EHMT1: variants seen among roughly 807,000 people sequenced by gnomAD.
The protein encoded by EHMT1 is euchromatic histone lysine methyltransferase 1.
Under a neutral mutation model 147.2 loss-of-function variants are expected in EHMT1, and 15 were observed. That is an observed-to-expected ratio of 0.10 (90% CI 0.07 to 0.16). The LOEUF (loss-of-function observed/expected upper bound fraction) is 0.16. EHMT1 is among the 10% of genes least tolerant of loss of function. The pLI is 1.00. For missense variants in EHMT1, 1,587 were observed against 1,772.4 expected (o/e 0.90, Z 1.88); for synonymous variants, 795 against 709.6 (o/e 1.12, Z -1.91).
chr9:137,698,272 A>G (rs1943563473), intron 1 of EHMT1, among the ~76,000 whole-genome samples: 1 of 152,240 alleles, frequency 6.6e-6, no homozygotes, highest in Admixed American at 6.5e-5. Flanking sequence ...TGACTAGGAA[A>G]AGAAATGATC....
At chr9:137,717,409 C>G in intron 3 of EHMT1, 1 of 642,410 alleles carries the variant, frequency 1.6e-6, no homozygotes, top group East Asian at 2.8e-5. Context: ...TTGAGACCAG[C>G]CTGGGCAGCG....
chr9:137,761,668 A>T lies in EHMT1; in HGVS notation c.1502-1007A>T, dbSNP rs982885772. ...GAGACGGGGTTTCACCATGTTGTCCAGGAGGGTCTCGATCTCCTGACCTCG... is the reference window on the plus strand; with the variant it reads ...GAGACGGGGTTTCACCATGTTGTCCTGGAGGGTCTCGATCTCCTGACCTCG... On this transcript the variant is annotated intron_variant, in intron 9 of 26. Transcript: ENST00000460843. Among the ~76,000 whole-genome samples the T allele has an allele frequency of 5.3e-5, 8 of 152,118 alleles. 1 individual carries two copies. The highest frequency in any genetic ancestry group is 5.2e-4 in the Admixed American group (8 of 15,292).
chr9:137,754,171 A>G lies in EHMT1; in HGVS notation c.1249A>G (p.Ser417Gly). 6.2e-7 allele frequency: 1 copy of G among 1,614,134 alleles called. No individual in the cohort carries two copies. The highest frequency in any genetic ancestry group is 8.5e-7 in the Non-Finnish European group (1 of 1,180,000). The change falls in exon 8 of 27, where the codon AGT becomes GGT. Residue 417 changes from serine (S) to glycine (G), a missense_variant and splice_region_variant. Transcript: ENST00000460843. ...TATGCCTGCCCGTTTGGTTCTCCAGAGTTCGGAATCCAGCATTAAGAAGAA... is the reference window on the plus strand; with the variant it reads ...TATGCCTGCCCGTTTGGTTCTCCAGGGTTCGGAATCCAGCATTAAGAAGAA... ...EEEGGDESDL[S>G]SESSIKKKFL...
intron 21 of EHMT1, chr9:137,814,223 G>A: frequency 1.4e-5 from 9 of 650,214 alleles, no homozygotes; most frequent in Non-Finnish European, 8.4e-6. Flanking sequence ...CCTCTGTCAG[G>A]GTCCTCAGCC....
At chr9:137,806,539 G>A (rs777601110) in intron 18 of EHMT1, among the ~76,000 whole-genome samples, 15 of 151,808 alleles carry the variant, frequency 9.9e-5, no homozygotes, top group African/African-American at 2.9e-4. Context: ...GGTTTCAGGC[G>A]ATTCTCCTGC....
At chr9:137,622,906 C>CA (rs1180436732) in intron 1 of EHMT1, among the ~76,000 whole-genome samples, 8,857 of 86,970 alleles carry the variant, frequency 0.1, 491 homozygotes, top group African/African-American at 0.2. Context: ...AATCCTGTCT[C>CA]AAAAAAAAAA....
At chr9:137,660,008 T>C (rs1000726400) in intron 1 of EHMT1, among the ~76,000 whole-genome samples, 1 of 152,140 alleles carries the variant, frequency 6.6e-6, no homozygotes, top group Non-Finnish European at 1.5e-5. Flanking sequence ...TTTTCTTTTT[T>C]TAATGTAAAT....
In EHMT1 at chr9:137,787,173, C is replaced by T. The variant is rs1952045344; in HGVS notation, c.2383-3675C>T. 6.6e-6 allele frequency: 1 copy of T among 152,346 alleles called. No homozygotes were observed. Among genetic ancestry groups the T allele is most frequent in the Non-Finnish European group, 1.5e-5 (1 of 68,156 alleles). The allele number at this position is 152,346 out of a possible 1,614,324, so 9.4% of individuals were successfully genotyped here. ...CTGCCATCCGAACTCACCACAGACA[C>T]TCATGTTTTCATCGGTCTGCTCTTC... On this transcript the variant is annotated intron_variant, in intron 15 of 26. Coordinates refer to ENST00000460843, the MANE Select transcript of EHMT1 (RefSeq NM_024757.5). This position sits in a 1 kb window ranked among gnomAD's most constrained non-coding sequence, Gnocchi z 4.2.
chr9:137,812,939 A>G, intron 19 of EHMT1, 67 bp from the exon 20 acceptor site: 1 of 1,594,912 alleles, frequency 6.3e-7, no homozygotes. Flanking sequence ...ACATTTTATA[A>G]ATCTCATCTG....
intron 25 of EHMT1, 125 bp from the exon 26 acceptor site, chr9:137,834,224 C>T (rs1173020489): frequency 2.3e-6 from 3 of 1,277,110 alleles, no homozygotes; most frequent in Non-Finnish European, 3.3e-6. Flanking sequence ...TGGAGAAGGC[C>T]CCTCCTGCAT....
At chr9:137,829,682 C>T (rs1484814877) in intron 25 of EHMT1, among the ~76,000 whole-genome samples, 2 of 152,274 alleles carry the variant, frequency 1.3e-5, no homozygotes, top group African/African-American at 2.4e-5. Flanking sequence ...CACACAGTGG[C>T]CTATGGGGGA....
chr9:137,790,047 G>A (rs554541568), intron 15 of EHMT1, among the ~76,000 whole-genome samples: 6 of 152,298 alleles, frequency 3.9e-5, no homozygotes, highest in East Asian at 3.9e-4. Flanking sequence ...CCCCTTAGCC[G>A]TTATGAGTTA....
intron 1 of EHMT1, among the ~76,000 whole-genome samples, chr9:137,704,165 G>A (rs1306997100): frequency 6.6e-6 from 1 of 152,064 alleles, no homozygotes; most frequent in East Asian, 1.9e-4. Flanking sequence ...CTCCCATCAG[G>A]CCCCTCCCCC....
chr9:137,742,289 T>TG (rs1948160336), intron 4 of EHMT1, among the ~76,000 whole-genome samples: 71 of 135,168 alleles, frequency 5.3e-4, no homozygotes, highest in African/African-American at 2.0e-3. Context: ...AGAACCAAAT[T>TG]TGTGTGTGTG....
At chr9:137,804,962 T>A (rs1227008131) in intron 18 of EHMT1, among the ~76,000 whole-genome samples, 1 of 150,936 alleles carries the variant, frequency 6.6e-6, no homozygotes, top group Non-Finnish European at 1.5e-5. Context: ...TATGAGTCCG[T>A]CCATGTGTGT....
At chr9:137,679,446 A>G (rs1206780001) in intron 1 of EHMT1, among the ~76,000 whole-genome samples, 1 of 151,898 alleles carries the variant, frequency 6.6e-6, no homozygotes, top group African/African-American at 2.4e-5. Context: ...GGTTGCATTC[A>G]TTTGCTGATG....
chr9:137,694,473 G>A (rs943326060), intron 1 of EHMT1, among the ~76,000 whole-genome samples: 2 of 152,188 alleles, frequency 1.3e-5, no homozygotes, highest in African/African-American at 4.8e-5. Context: ...AGCTGAGGCC[G>A]GCTCCGTGCC....
At chr9:137,688,254 C>G (rs753271133) in intron 1 of EHMT1, among the ~76,000 whole-genome samples, 1 of 152,216 alleles carries the variant, frequency 6.6e-6, no homozygotes, top group Non-Finnish European at 1.5e-5. Flanking sequence ...GAACTCCTAA[C>G]CTCTAGTGAT....
At chr9:137,814,188 G>A (rs1293692172) in intron 21 of EHMT1, 9 of 600,266 alleles carry the variant, frequency 1.5e-5, no homozygotes, top group African/African-American at 5.6e-5. Flanking sequence ...CCACTGCCGC[G>A]TCGCTGCCCT....
Sources: allele counts gnomAD v4.1 joint callset (sites outside exome capture counted in the v4.1 genomes callset), GRCh38; gene constraint gnomAD v4.1.1; non-coding constraint Gnocchi (gnomAD v3.1); transcripts MANE v1.5; gene names NCBI Gene and HGNC (gene_info 2026-07-23, HGNC 2026-07-21).